Variants in SPATA16 observed in about 807,000 individuals in gnomAD.
The protein encoded by SPATA16 is spermatogenesis associated 16.
Under a neutral mutation model 63.3 loss-of-function variants are expected in SPATA16, and 36 were observed. That is an observed-to-expected ratio of 0.57 (90% CI 0.44 to 0.75). The LOEUF is 0.75. Among genes scored for constraint, SPATA16 ranks in the 30% least tolerant of loss-of-function variants. The pLI, the probability that SPATA16 is intolerant of heterozygous loss-of-function variation, is 0.00. For missense variants in SPATA16, 646 were observed against 679.3 expected (o/e 0.95, Z 0.54); for synonymous variants, 203 against 216.7 (o/e 0.94, Z 0.56).
rs78494851 is a variant in SPATA16 at position 172,962,560 on chromosome 3, A to T, written c.934-5736T>A. On this transcript the variant is annotated intron_variant, in intron 5 of 10. Coordinates refer to ENST00000351008, the MANE Select transcript of SPATA16 (RefSeq NM_031955.6). ...TGTATTATTTTGAAAAGTAAAGAAAAACATGGCATTTAAAGAGATGAAACA... is the reference window on the plus strand; with the variant it reads ...TGTATTATTTTGAAAAGTAAAGAAATACATGGCATTTAAAGAGATGAAACA... 7.6e-4 allele frequency among the ~76,000 whole-genome samples: 115 copies of T among 152,308 alleles called. 4 individuals carry two copies. The East Asian group carries it at 0.02, about 27-fold the overall frequency.
chr3:172,951,664 C>T (rs1488300365), intron 6 of SPATA16, among the ~76,000 whole-genome samples: 1 of 152,158 alleles, frequency 6.6e-6, no homozygotes. Context: ...AATACTCTCC[C>T]TGCTCATCAC....
intron 3 of SPATA16, among the ~76,000 whole-genome samples, chr3:173,027,271 C>T (rs79561666): frequency 0.016 from 2,388 of 152,044 alleles, 61 homozygotes; most frequent in African/African-American, 0.055. Context: ...TATTCTGCTA[C>T]ATCATACTAC....
At chr3:173,005,286 T>G (rs1734915612) in intron 4 of SPATA16, among the ~76,000 whole-genome samples, 1 of 139,858 alleles carries the variant, frequency 7.2e-6, no homozygotes. Context: ...ATTGCGCTAC[T>G]GCACTCCAGC....
chr3:173,005,346 A>G (rs1290525560), intron 4 of SPATA16, among the ~76,000 whole-genome samples: 1 of 151,222 alleles, frequency 6.6e-6, no homozygotes, highest in Non-Finnish European at 1.5e-5. Flanking sequence ...AAAAAAAAAA[A>G]AGAAAATGTA....
At chr3:172,997,833 C>T (rs1488751737) in intron 4 of SPATA16, among the ~76,000 whole-genome samples, 1 of 152,100 alleles carries the variant, frequency 6.6e-6, no homozygotes, top group Non-Finnish European at 1.5e-5. Context: ...CCAGTGGTTT[C>T]AGCCCATTTG....
chr3:172,911,463 T>C (rs1191415716), intron 10 of SPATA16, among the ~76,000 whole-genome samples: 1 of 152,220 alleles, frequency 6.6e-6, no homozygotes, highest in African/African-American at 2.4e-5. Flanking sequence ...GGTTGCTTTC[T>C]TTAATGGTTT....
Position 172,889,546 on chromosome 3 carries a change from G to C in SPATA16, c.*24C>G. On this transcript the variant is annotated 3_prime_UTR_variant, in exon 11 of 11. Transcript: ENST00000351008. ...TTGCCTCTTCTTCTGGGATATCTTA[G>C]TGGTAGTGCCTGCTCCCTAATGACT... 6.2e-7 allele frequency: 1 copy of C among 1,613,270 alleles called. No individual in the cohort carries two copies. The highest frequency in any genetic ancestry group is 8.5e-7 in the Non-Finnish European group (1 of 1,179,750).
intron 2 of SPATA16, among the ~76,000 whole-genome samples, chr3:173,093,999 T>G (rs1482643469): frequency 1.3e-5 from 2 of 152,014 alleles, no homozygotes; most frequent in African/African-American, 2.4e-5. Context: ...TTTTCCTCTT[T>G]CCTGTGCTGC....
At position 172,916,419 on chromosome 3, in the gene SPATA16, C is replaced by T. The variant is rs143774140; in HGVS notation, c.1401G>A (p.Gln467=). The T allele has an allele frequency of 6.2e-7, 1 of 1,613,890 alleles. No individual in the cohort carries two copies. The highest frequency in any genetic ancestry group is 8.5e-7 in the Non-Finnish European group (1 of 1,179,832). ...EKLQYASLLS[Q]LQRVKEQSQV... Reference sequence around the variant, plus strand: ...GGGACTGCTCCTTTACTCTCTGCAGCTGGCTGAGGAGGCTGGCATATTGCA... The same window carrying T: ...GGGACTGCTCCTTTACTCTCTGCAGTTGGCTGAGGAGGCTGGCATATTGCA... Residue 467 remains glutamine, a synonymous_variant, in exon 9 of 11, where the codon CAG becomes CAA. Transcript: ENST00000351008.
At chr3:173,141,011 A>G in intron 1 of SPATA16, 92 bp downstream of exon 1, 1 of 152,284 alleles carries the variant, frequency 6.6e-6, no homozygotes, top group Non-Finnish European at 1.5e-5. Flanking sequence ...AGCTTACTCC[A>G]TCTTCACCTG....
intron 2 of SPATA16, among the ~76,000 whole-genome samples, chr3:173,114,636 AT>A (rs1294004549): frequency 2.0e-5 from 3 of 152,186 alleles, no homozygotes; most frequent in Non-Finnish European, 4.4e-5. Flanking sequence ...TCAGACACTT[AT>A]TTTGCAGCCA....
intron 6 of SPATA16, among the ~76,000 whole-genome samples, chr3:172,928,822 T>A (rs1156727744): frequency 6.6e-6 from 1 of 152,132 alleles, no homozygotes; most frequent in Non-Finnish European, 1.5e-5. Context: ...CCTATATACA[T>A]ATGGTTAAAT....
chr3:172,943,341 GAAC>G (rs1733203192), intron 6 of SPATA16, among the ~76,000 whole-genome samples: 1 of 152,100 alleles, frequency 6.6e-6, no homozygotes, highest in African/African-American at 2.4e-5. Context: ...TTTTTAAATG[GAAC>G]AACATGTAAA....
intron 2 of SPATA16, among the ~76,000 whole-genome samples, chr3:173,080,960 A>C (rs2108313390): frequency 6.6e-6 from 1 of 152,340 alleles, no homozygotes; most frequent in Admixed American, 6.5e-5. Flanking sequence ...TGTGAGAAGC[A>C]GCAGCATCCC....
chr3:173,120,033 G>T (rs1324038321), intron 1 of SPATA16, among the ~76,000 whole-genome samples: 1 of 151,212 alleles, frequency 6.6e-6, no homozygotes, highest in Non-Finnish European at 1.5e-5. Flanking sequence ...GTTGCAGTGC[G>T]CCAAGATCGT....
At chr3:172,952,684 G>GT (rs1219145184) in intron 6 of SPATA16, among the ~76,000 whole-genome samples, 1 of 152,172 alleles carries the variant, frequency 6.6e-6, no homozygotes, top group Non-Finnish European at 1.5e-5. Context: ...GCTCACGCCT[G>GT]TAATCCCAGC....
At chr3:173,120,327 G>A (rs1050189529) in intron 1 of SPATA16, among the ~76,000 whole-genome samples, 3 of 152,068 alleles carry the variant, frequency 2.0e-5, no homozygotes, top group Non-Finnish European at 4.4e-5. Context: ...CATCTATATC[G>A]TTAAGTTTCT....
intron 4 of SPATA16, among the ~76,000 whole-genome samples, chr3:172,985,369 CA>C (rs1194430188): frequency 6.6e-6 from 1 of 152,094 alleles, no homozygotes; most frequent in African/African-American, 2.4e-5. Flanking sequence ...GCCCAAAAAT[CA>C]GCAAATGTTT....
rs1267690055 is a variant in SPATA16, at chr3:172,961,037, TTTCTTTCTTTC to T, written c.934-4224_934-4214del. On this transcript the variant is annotated intron_variant, in intron 5 of 10. Transcript: ENST00000351008. Reference sequence around the variant, plus strand: ...TTCTTTTTCTCTCTTTCTCTCTTTCTTTCTTTCTTTCTTCTTTCTTTCTTTCTTCTTTCTTC... The same window carrying T: ...TTCTTTTTCTCTCTTTCTCTCTTTCTTTCTTTCTTTCTTTCTTCTTTCTTC... 1.8e-4 allele frequency among the ~76,000 whole-genome samples: 18 copies of T among 98,492 alleles called. 1 individual carries two copies. Among genetic ancestry groups the T allele is most frequent in the African/African-American group, 6.4e-4 (18 of 28,282 alleles). The allele number at this position is 98,492 out of a possible 152,430, so 64.6% of individuals were successfully genotyped here.
Sources: allele counts gnomAD v4.1 joint callset (sites outside exome capture counted in the v4.1 genomes callset), GRCh38; gene constraint gnomAD v4.1.1; transcripts MANE v1.5; gene names NCBI Gene and HGNC (gene_info 2026-07-23, HGNC 2026-07-21).